The following ASB1 variants were observed in gnomAD, a reference collection of about 807,000 sequenced individuals.
ASB1 encodes ankyrin repeat and SOCS box containing 1, also known as ankyrin repeat and SOCS box protein 1.
A neutral mutation model predicts 27.7 loss-of-function variants in ASB1; 18 were observed. The ratio of observed to expected loss-of-function variants is 0.65; its 90% CI spans 0.45 to 0.96. The LOEUF is 0.96. Among genes scored for constraint, ASB1 ranks in the 50% least tolerant of loss-of-function variants. The pLI is 0.00. For synonymous variants in ASB1, 189 were observed against 187.6 expected (o/e 1.01, Z -0.06); for missense variants, 397 against 451.7 (o/e 0.88, Z 1.10).
At chr2:238,438,281 T>A (rs1175252671) in intron 3 of ASB1, among the ~76,000 whole-genome samples, 2 of 144,856 alleles carry the variant, frequency 1.4e-5, no homozygotes, top group Non-Finnish European at 3.0e-5. Flanking sequence ...TTCACTGCAA[T>A]CTCCGCCTCC....
chr2:238,444,840 A>T, intron 4 of ASB1, 113 bp downstream of exon 4: 1 of 1,211,388 alleles, frequency 8.3e-7, no homozygotes, highest in East Asian at 2.5e-5. Flanking sequence ...CAAAATCTTC[A>T]GTTAGAACTC....
chr2:238,442,209 C>T (rs951686717), intron 3 of ASB1, among the ~76,000 whole-genome samples: 2 of 151,736 alleles, frequency 1.3e-5, no homozygotes, highest in African/African-American at 4.8e-5. Context: ...ACCTCCGCCT[C>T]CCGGGTTGAA....
At chr2:238,432,163 G>A (rs547065013) in intron 1 of ASB1, among the ~76,000 whole-genome samples, 1 of 152,292 alleles carries the variant, frequency 6.6e-6, no homozygotes, top group South Asian at 2.1e-4. Context: ...TCTGATGAGT[G>A]TTCTGTTACC....
rs1702256397 is a variant in ASB1 at position 238,450,208 on chromosome 2, CA to C, written c.*3698del. 1 of 152,274 alleles carries C rather than the reference CA, an allele frequency of 6.6e-6. No homozygotes were observed. The highest frequency in any genetic ancestry group is 6.5e-5 in the Admixed American group (1 of 15,280). The allele number at this position is 152,274 out of a possible 1,614,324, so 9.4% of individuals were successfully genotyped here. On this transcript the variant is annotated 3_prime_UTR_variant, in exon 5 of 5. Transcript: ENST00000264607. ...GGCTGGACTGTGGACCCCGATGGGC[CA>C]GAGTCCTTGTGGCCCACAGCATAGC...
At position 238,435,941 on chromosome 2, in the gene ASB1, GGCACCATCGCA is replaced by G. The variant is rs1270748417; in HGVS notation, c.428_438del (p.His143ProfsTer23). Reference sequence around the variant, plus strand: ...GCTGGCGCGGACCCCAACGGAAGCCGGCACCATCGCAGCACCCCTGTCTACCACGCCTCTCG... The same window carrying G: ...GCTGGCGCGGACCCCAACGGAAGCCGGCACCCCTGTCTACCACGCCTCTCG... On this transcript the variant is annotated frameshift_variant, in exon 3 of 5. Coordinates refer to ENST00000264607, the MANE Select transcript of ASB1 (RefSeq NM_001040445.3). LOFTEE classifies it high-confidence loss of function. 4 of 1,614,170 alleles carry G rather than the reference GGCACCATCGCA, an allele frequency of 2.5e-6. No individual in the cohort carries two copies. Among genetic ancestry groups the G allele is most frequent in the Non-Finnish European group, 3.4e-6 (4 of 1,180,050 alleles).
At chr2:238,433,493 C>A (rs1398978006) in intron 1 of ASB1, 61 bp from the exon 2 acceptor site, 1 of 1,587,618 alleles carries the variant, frequency 6.3e-7, no homozygotes, top group African/African-American at 1.3e-5. Context: ...GATGGCACCC[C>A]CTTTTGGTTA....
intron 2 of ASB1, among the ~76,000 whole-genome samples, chr2:238,434,203 A>G (rs1266550632): frequency 6.6e-6 from 1 of 152,022 alleles, no homozygotes; most frequent in South Asian, 2.1e-4. Flanking sequence ...TCCCCTCATC[A>G]GTGGTCCCCT....
At chr2:238,433,402 C>A in intron 1 of ASB1, 152 bp from the exon 2 acceptor site, 1 of 896,814 alleles carries the variant, frequency 1.1e-6, no homozygotes, top group Non-Finnish European at 1.7e-6. Context: ...GGATTACAGG[C>A]GTGCCACCAT....
At chr2:238,443,521 A>C (rs1300672107) in intron 3 of ASB1, among the ~76,000 whole-genome samples, 5 of 152,292 alleles carry the variant, frequency 3.3e-5, no homozygotes, top group Middle Eastern at 3.4e-3. Context: ...GCCTGATTGC[A>C]CAGGGTACCT....
Position 238,446,846 on chromosome 2 carries a change from C to T in ASB1, c.*335C>T. 4.1e-6 allele frequency: 1 copy of T among 242,256 alleles called. No individual in the cohort carries two copies. Among genetic ancestry groups the T allele is most frequent in the Non-Finnish European group, 8.0e-6 (1 of 124,858 alleles). 15.0% of individuals were successfully genotyped at this position (242,256 alleles called of 1,614,324 possible). Reference sequence around the variant, plus strand: ...TTCCCTGTAGGGAAGACTCCCAGCACTTCTGGAACTGTGCTTCTCTTTATT... The same window carrying T: ...TTCCCTGTAGGGAAGACTCCCAGCATTTCTGGAACTGTGCTTCTCTTTATT... On this transcript the variant is annotated 3_prime_UTR_variant, in exon 5 of 5. Coordinates refer to ENST00000264607, the MANE Select transcript of ASB1 (RefSeq NM_001040445.3).
chr2:238,451,095 G>T lies in ASB1; in HGVS notation c.*4584G>T, dbSNP rs889655960. The T allele has an allele frequency of 6.9e-6, 1 of 145,388 alleles. No homozygotes were observed. Among genetic ancestry groups the T allele is most frequent in the Admixed American group, 7.1e-5 (1 of 14,112 alleles). The allele number at this position is 145,388 out of a possible 1,614,324, so 9.0% of individuals were successfully genotyped here. ...AAACCCGAACCTCTCAGTGTGGAAT[G>T]AAACAGTTTAGATGTGTACATGATG... On this transcript the variant is annotated 3_prime_UTR_variant, in exon 5 of 5. Coordinates refer to ENST00000264607, the MANE Select transcript of ASB1 (RefSeq NM_001040445.3).
At chr2:238,432,328 G>A (rs1701886142) in intron 1 of ASB1, among the ~76,000 whole-genome samples, 1 of 152,136 alleles carries the variant, frequency 6.6e-6, no homozygotes, top group South Asian at 2.1e-4. Flanking sequence ...CTTGATTATT[G>A]AATCTTTTAA....
rs1701767604 is a variant in ASB1 at position 238,427,034 on chromosome 2, G to A, written c.-37G>A. ...GTTCTGCTTCCTGCCCGAGGGGCGT[G>A]CGCGGGTCAGGGGCGGCCGCGGAGG... On this transcript the variant is annotated 5_prime_UTR_variant, in exon 1 of 5. Transcript: ENST00000264607. 3.2e-6 allele frequency: 4 copies of A among 1,244,278 alleles called. No homozygotes were observed. The highest frequency in any genetic ancestry group is 6.4e-5 in the East Asian group (2 of 31,294). The allele number at this position is 1,244,278 out of a possible 1,614,324, so 77.1% of individuals were successfully genotyped here. A position where few individuals can be genotyped will look rare whatever the true frequency, so the allele number is the denominator to read the frequency against.
rs996413294 is a variant in ASB1 at position 238,434,373 on chromosome 2, G to T, written c.191+678G>T. On this transcript the variant is annotated intron_variant, in intron 2 of 4. Transcript: ENST00000264607. ...TCTCTGATTGTTCTGCGGGTCTAAG[G>T]TTGCAGTCCCAGCTAGAGCTTAAAC... is the stretch of plus-strand genomic sequence containing the variant. 6.6e-5 allele frequency among the ~76,000 whole-genome samples: 10 copies of T among 152,178 alleles called. No homozygotes were observed. In the South Asian group the frequency reaches 8.3e-4, roughly 13 times the overall value.
chr2:238,436,774 C>CTTT (rs66960467), intron 3 of ASB1, among the ~76,000 whole-genome samples: 160 of 147,094 alleles, frequency 1.1e-3, no homozygotes, highest in African/African-American at 3.5e-3. Flanking sequence ...CTCTCTCTCT[C>CTTT]TTTTTTTTTT....
intron 1 of ASB1, chr2:238,427,648 C>T (rs1338417822): frequency 6.5e-6 from 1 of 152,876 alleles, no homozygotes; most frequent in Non-Finnish European, 1.5e-5. Context: ...GTCCAGGGGC[C>T]TTTGGCCCAC....
chr2:238,439,459 G>A (rs1702037610), intron 3 of ASB1, among the ~76,000 whole-genome samples: 1 of 152,164 alleles, frequency 6.6e-6, no homozygotes, highest in Non-Finnish European at 1.5e-5. Context: ...CGTGGCTGCT[G>A]GCCTTACCTG....
intron 3 of ASB1, among the ~76,000 whole-genome samples, chr2:238,438,461 A>G (rs890357645): frequency 1.3e-5 from 2 of 151,970 alleles, no homozygotes; most frequent in Non-Finnish European, 2.9e-5. Flanking sequence ...CGGCCTCCCA[A>G]AGTGCTGGGA....
At chr2:238,441,425 G>A (rs919135536) in intron 3 of ASB1, among the ~76,000 whole-genome samples, 1 of 152,106 alleles carries the variant, frequency 6.6e-6, no homozygotes, top group Admixed American at 6.5e-5. Context: ...ATGAGCCACC[G>A]CGCTTGGCCA....
Sources: allele counts gnomAD v4.1 joint callset (sites outside exome capture counted in the v4.1 genomes callset), GRCh38; gene constraint gnomAD v4.1.1; transcripts MANE v1.5; gene names NCBI Gene and HGNC (gene_info 2026-07-23, HGNC 2026-07-21).